GLS: variants seen among roughly 807,000 people sequenced by gnomAD.
The protein encoded by GLS is glutaminase.
Under a neutral mutation model 86.7 loss-of-function variants are expected in GLS, and 36 were observed. The observed-to-expected ratio is 0.42, with a 90% CI of 0.32 to 0.55. GLS has a LOEUF of 0.55. Ranked by LOEUF, GLS falls within the 20% of genes least tolerant of loss-of-function variation. GLS has a pLI of 0.17. For synonymous variants in GLS, 317 were observed against 305.9 expected (o/e 1.04, Z -0.38); for missense variants, 528 against 833.4 (o/e 0.63, Z 4.51).
chr2:190,899,893 A>G (rs1688877843), intron 3 of GLS, among the ~76,000 whole-genome samples: 1 of 152,126 alleles, frequency 6.6e-6, no homozygotes, highest in Non-Finnish European at 1.5e-5. Flanking sequence ...TTTATTCTGC[A>G]TTATATTTAC....
chr2:190,937,840 G>GTT lies in GLS; in HGVS notation c.1650+6219_1650+6220dup, dbSNP rs1197759246. Among the ~76,000 whole-genome samples the GTT allele has an allele frequency of 6.9e-3, 884 of 128,338 alleles. 23 individuals are homozygous for GTT. Among genetic ancestry groups the GTT allele is most frequent in the East Asian group, 0.042 (189 of 4,486 alleles). The allele number at this position is 128,338 out of a possible 152,430, so 84.2% of individuals were successfully genotyped here. A position where few individuals can be genotyped will look rare whatever the true frequency, so the allele number is the denominator to read the frequency against. On this transcript the variant is annotated intron_variant, in intron 14 of 17. Transcript: ENST00000320717. Reference sequence around the variant, plus strand: ...ATTGCTTTTTTGGCGGAATCTGTGGGTTTTTTTTTTTTTTTTTGTAAATTT... The same window carrying GTT: ...ATTGCTTTTTTGGCGGAATCTGTGGGTTTTTTTTTTTTTTTTTTTGTAAATTT...
In GLS at chr2:190,895,321, A is replaced by G. The variant is rs1466905433; in HGVS notation, c.483+73A>G. The G allele has an allele frequency of 1.5e-6, 1 of 646,886 alleles. No homozygotes were observed. 40.1% of individuals were successfully genotyped at this position (646,886 alleles called of 1,614,324 possible). On this transcript the variant is annotated intron_variant, in intron 2 of 17. Coordinates refer to ENST00000320717, the MANE Select transcript of GLS (RefSeq NM_014905.5). The surrounding 1 kb of genome is among the most constrained non-coding windows in gnomAD (Gnocchi z 4.2). ...TAAATATATACAGTATTATTGAAAT[A>G]TAGTCTTAAAGGTCGTCTGACATGT...
chr2:190,941,151 G>A (rs1180484274), intron 14 of GLS, among the ~76,000 whole-genome samples: 1 of 152,150 alleles, frequency 6.6e-6, no homozygotes, highest in Non-Finnish European at 1.5e-5. Context: ...TGCAGTGAGT[G>A]GTTAATGAGA....
At chr2:190,915,483 A>T (rs1689502034) in intron 7 of GLS, among the ~76,000 whole-genome samples, 1 of 152,118 alleles carries the variant, frequency 6.6e-6, no homozygotes, top group Non-Finnish European at 1.5e-5. Context: ...GCTTTTTCAA[A>T]AATAATACAG....
At chr2:190,885,470 G>A (rs1469833685) in intron 1 of GLS, among the ~76,000 whole-genome samples, 4 of 152,156 alleles carry the variant, frequency 2.6e-5, no homozygotes, top group Admixed American at 6.6e-5. Context: ...GATTACAGGC[G>A]TGAGCCACCG....
At chr2:190,910,414 T>A in intron 7 of GLS, 93 bp downstream of exon 7, 1 of 641,530 alleles carries the variant, frequency 1.6e-6, no homozygotes, top group Non-Finnish European at 2.7e-6. Context: ...TATGTAGAAT[T>A]ATGAAAAATT....
chr2:190,902,436 G>T (rs551547054), intron 5 of GLS, among the ~76,000 whole-genome samples: 2 of 152,242 alleles, frequency 1.3e-5, no homozygotes, highest in South Asian at 4.1e-4. Context: ...ATTAGCATGA[G>T]AATTAAGACA....
chr2:190,890,693 T>TA (rs1326117764), intron 1 of GLS, among the ~76,000 whole-genome samples: 2 of 152,228 alleles, frequency 1.3e-5, no homozygotes, highest in African/African-American at 4.8e-5. Context: ...TTCAAAATGA[T>TA]ACACTGATTT....
At chr2:190,885,533 A>G (rs1688349772) in intron 1 of GLS, among the ~76,000 whole-genome samples, 1 of 152,180 alleles carries the variant, frequency 6.6e-6, no homozygotes, top group African/African-American at 2.4e-5. Context: ...TATGAATTTC[A>G]GCGAACATTG....
chr2:190,913,888 C>A lies in GLS; in HGVS notation c.1038+3567C>A. 4.8e-6 allele frequency: 1 copy of A among 208,864 alleles called. No individual in the cohort carries two copies. The highest frequency in any genetic ancestry group is 2.3e-5 in the African/African-American group (1 of 42,648). The allele number at this position is 208,864 out of a possible 1,614,324, so 12.9% of individuals were successfully genotyped here. On this transcript the variant is annotated intron_variant, in intron 7 of 17. Transcript: ENST00000320717. The surrounding 1 kb of genome is among the most constrained non-coding windows in gnomAD (Gnocchi z 6.1). Reference sequence around the variant, plus strand: ...AGTCATAACCCACTGCAGCCTCAAACTCCTGTGCTCAAGTGATCCTGCCAC... The same window carrying A: ...AGTCATAACCCACTGCAGCCTCAAAATCCTGTGCTCAAGTGATCCTGCCAC...
rs779464277 is a variant in GLS, at chr2:190,901,985, C to T, written c.774C>T (p.Pro258=). The T allele has an allele frequency of 1.5e-5, 24 of 1,611,804 alleles. 1 individual carries two copies. The highest frequency in any genetic ancestry group is 5.0e-5 in the Admixed American group (3 of 59,986). The change falls in exon 5 of 18, where the codon CCC becomes CCT. Residue 258 remains proline (P), a synonymous_variant. Coordinates refer to ENST00000320717, the MANE Select transcript of GLS (RefSeq NM_014905.5). ...DYIPQLAKFS[P]DLWGVSVCTV... Reference sequence around the variant, plus strand: ...TTCCTCAACTGGCCAAATTCAGTCCCGATTTGTGGGGTGTGTCTGTTTGTA... The same window carrying T: ...TTCCTCAACTGGCCAAATTCAGTCCTGATTTGTGGGGTGTGTCTGTTTGTA...
Position 190,924,701 on chromosome 2 carries a change from G to A in GLS, c.1248+108G>A. ...GGAGGCCAGGGCAGGTGGATCATGA[G>A]GTCAAGAGATAGAGGTCATCCTGGC... On this transcript the variant is annotated intron_variant, in intron 11 of 17. Coordinates refer to ENST00000320717, the MANE Select transcript of GLS (RefSeq NM_014905.5). The surrounding 1 kb of genome is among the most constrained non-coding windows in gnomAD (Gnocchi z 5.2). The A allele has an allele frequency of 1.5e-6, 1 of 682,996 alleles. No individual in the cohort carries two copies. The allele number at this position is 682,996 out of a possible 1,614,324, so 42.3% of individuals were successfully genotyped here.
rs1389775015 is a variant in GLS, at chr2:190,962,313, C to T, written c.1854-517C>T. On this transcript the variant is annotated intron_variant, in intron 17 of 17. Coordinates refer to ENST00000320717, the MANE Select transcript of GLS (RefSeq NM_014905.5). The surrounding 1 kb of genome is among the most constrained non-coding windows in gnomAD (Gnocchi z 4.2). ...ATAAAAATGTCAATTCCTTTGGGGC[C>T]AATCTTGCTCCTCCAGTGTGTTTTA... Among the ~76,000 whole-genome samples, 1 of 152,174 alleles carries T rather than the reference C, an allele frequency of 6.6e-6. No individual in the cohort carries two copies. The highest frequency in any genetic ancestry group is 1.5e-5 in the Non-Finnish European group (1 of 68,042).
chr2:190,930,626 C>CT lies in GLS; in HGVS notation c.1557+66dup, dbSNP rs774085174. The CT allele has an allele frequency of 3.4e-5, 51 of 1,511,218 alleles. No individual in the cohort carries two copies. Among genetic ancestry groups the CT allele is most frequent in the Admixed American group, 7.7e-5 (4 of 52,262 alleles). 93.6% of individuals were successfully genotyped at this position (1,511,218 alleles called of 1,614,324 possible). A position where few individuals can be genotyped will look rare whatever the true frequency, so the allele number is the denominator to read the frequency against. On this transcript the variant is annotated intron_variant, in intron 13 of 17. Transcript: ENST00000320717. The surrounding 1 kb of genome is among the most constrained non-coding windows in gnomAD (Gnocchi z 5.0). ...TTACAAGTTGAGCCATCCAATGATTCTTTTTTTTAACCCATTTTCCATAGT... is the reference window on the plus strand; with the variant it reads ...TTACAAGTTGAGCCATCCAATGATTCTTTTTTTTTAACCCATTTTCCATAGT...
intron 13 of GLS, among the ~76,000 whole-genome samples, chr2:190,931,195 TATAAA>T (rs1277111850): frequency 6.6e-6 from 1 of 152,180 alleles, no homozygotes; most frequent in Non-Finnish European, 1.5e-5. Flanking sequence ...TTGGAGTGCA[TATAAA>T]ATATAGTAGA....
In GLS at chr2:190,898,084, T is replaced by C. The variant is rs141978119; in HGVS notation, c.605+2359T>C. 3.1e-3 allele frequency among the ~76,000 whole-genome samples: 478 copies of C among 152,336 alleles called. 1 individual carries two copies. The highest frequency in any genetic ancestry group is 0.01 in the African/African-American group (422 of 41,576). The stretch of plus-strand genomic sequence containing the variant: ...TAATCCTTTCTTTATTCGTGCATTT[T>C]TAACTTTATAGGTATTAAAACTTTC... On this transcript the variant is annotated intron_variant, in intron 3 of 17. Coordinates refer to ENST00000320717, the MANE Select transcript of GLS (RefSeq NM_014905.5).
chr2:190,885,437 G>A (rs1428129279), intron 1 of GLS, among the ~76,000 whole-genome samples: 1 of 152,114 alleles, frequency 6.6e-6, no homozygotes, highest in Non-Finnish European at 1.5e-5. Flanking sequence ...TGATCTGCCC[G>A]CTGTGGCCAC....
rs996632503 is a variant in GLS at position 190,943,731 on chromosome 2, G to A, written c.1651-9834G>A. On this transcript the variant is annotated intron_variant, in intron 14 of 17. Coordinates refer to ENST00000320717, the MANE Select transcript of GLS (RefSeq NM_014905.5). The surrounding 1 kb of genome is among the most constrained non-coding windows in gnomAD (Gnocchi z 4.5). The stretch of plus-strand genomic sequence containing the variant: ...AATAAAGTGGCTATGAAAGTGCTTT[G>A]AAAAGTTACAGCATTAGAGAAACAT... Among the ~76,000 whole-genome samples, 4 of 152,292 alleles carry A rather than the reference G, an allele frequency of 2.6e-5. No individual in the cohort carries two copies. The highest frequency in any genetic ancestry group is 4.1e-4 in the South Asian group (2 of 4,832).
At position 190,881,489 on chromosome 2, in the gene GLS, C is replaced by A; in HGVS notation, c.386+19C>A. ...GTGAAAAGTGAGTGTCTCCGCGAGG[C>A]GCAGGAGGCCTCGTTCCTTTCGGGG... On this transcript the variant is annotated intron_variant, in intron 1 of 17. Transcript: ENST00000320717. 6.5e-7 allele frequency: 1 copy of A among 1,534,834 alleles called. No homozygotes were observed. The highest frequency in any genetic ancestry group is 8.8e-7 in the Non-Finnish European group (1 of 1,139,508).
Sources: gnomAD v4.1 joint callset for allele counts (sites outside exome capture counted in the v4.1 genomes callset) on GRCh38, gnomAD v4.1.1 for gene constraint, Gnocchi (gnomAD v3.1) non-coding constraint, MANE v1.5 for transcripts, NCBI Gene and HGNC (gene_info 2026-07-23, HGNC 2026-07-21) for gene names.